FRMD3: variants seen among roughly 807,000 people sequenced by gnomAD.
FRMD3 encodes FERM domain containing 3, also known as FERM domain-containing protein 3.
FRMD3 carries 33 observed loss-of-function variants against 70.2 expected under a neutral mutation model. That is an observed-to-expected ratio of 0.47 (90% CI 0.36 to 0.63). The LOEUF is 0.63. FRMD3 is among the 20% of genes least tolerant of loss of function. The pLI is 0.00. For missense variants in FRMD3, 632 were observed against 711.4 expected (o/e 0.89, Z 1.27); for synonymous variants, 279 against 255.9 (o/e 1.09, Z -0.86).
chr9:83,562,536 GA>G, the FRMD3 span, among the ~76,000 whole-genome samples: 3 of 152,310 alleles, frequency 2.0e-5, no homozygotes, highest in South Asian at 6.2e-4. Context: ...ACTTCAACCA[GA>G]AATAAATGCA....
intron 13 of FRMD3, among the ~76,000 whole-genome samples, chr9:83,264,642 C>T (rs568112200): frequency 1.3e-5 from 2 of 152,046 alleles, no homozygotes; most frequent in African/African-American, 4.8e-5. Flanking sequence ...GTATAACTTC[C>T]TTTGAAAAAA....
the FRMD3 span, among the ~76,000 whole-genome samples, chr9:83,568,213 C>T: frequency 8.5e-5 from 13 of 152,170 alleles, no homozygotes; most frequent in South Asian, 2.1e-4. Context: ...TTCACTATCA[C>T]GAGAACAGCA....
chr9:83,528,150 G>T (rs1385889426), intron 1 of FRMD3, among the ~76,000 whole-genome samples: 2 of 152,144 alleles, frequency 1.3e-5, no homozygotes, highest in Middle Eastern at 3.2e-3. Context: ...ATCAAAAGAA[G>T]GGTCTCAAAA....
rs550333566 is a variant in FRMD3 at position 83,396,961 on chromosome 9, C to T, written c.148-7253G>A. ...TGCAGAGATGGCTGACTGATGAGCC[C>T]GGGAGCAGTCCATTGACTCTACTCT... On this transcript the variant is annotated intron_variant, in intron 1 of 13. Coordinates refer to ENST00000304195, the MANE Select transcript of FRMD3 (RefSeq NM_174938.6). 2.6e-5 allele frequency among the ~76,000 whole-genome samples: 4 copies of T among 152,240 alleles called. No homozygotes were observed. The South Asian group carries it at 8.3e-4, about 32-fold the overall frequency.
intron 3 of FRMD3, among the ~76,000 whole-genome samples, chr9:83,372,455 T>TA (rs1825007484): frequency 6.6e-6 from 1 of 151,956 alleles, no homozygotes; most frequent in South Asian, 2.1e-4. Context: ...TTTGGGGAGT[T>TA]CAAGGAATGG....
chr9:83,520,697 C>T (rs75238570), intron 1 of FRMD3, among the ~76,000 whole-genome samples: 6,972 of 152,254 alleles, frequency 0.046, 240 homozygotes, highest in South Asian at 0.1. Context: ...CCAGACAGCA[C>T]TGGTCTACTA....
At chr9:83,364,498 G>C (rs1286808089) in intron 3 of FRMD3, among the ~76,000 whole-genome samples, 3 of 151,614 alleles carry the variant, frequency 2.0e-5, no homozygotes, top group African/African-American at 7.3e-5. Flanking sequence ...GGAGGTTGCA[G>C]TGAGCCAAGA....
chr9:83,447,191 T>C (rs1827503850), intron 1 of FRMD3, among the ~76,000 whole-genome samples: 1 of 152,094 alleles, frequency 6.6e-6, no homozygotes, highest in African/African-American at 2.4e-5. Context: ...GCACAGCTAA[T>C]TTTTTGTATT....
intron 3 of FRMD3, among the ~76,000 whole-genome samples, chr9:83,369,849 T>G (rs1824914797): frequency 6.6e-6 from 1 of 152,194 alleles, no homozygotes. Flanking sequence ...TTTGCAATTG[T>G]TATTTCTTTG....
In FRMD3 at chr9:83,286,334, C is replaced by CT. The variant is rs35896378; in HGVS notation, c.1195+4268dup. On this transcript the variant is annotated intron_variant, in intron 13 of 13. Coordinates refer to ENST00000304195, the MANE Select transcript of FRMD3 (RefSeq NM_174938.6). ...TTAAAAAATTTTTAATTAGAGAACA[C>CT]TTTTTTTTTTTTTTGAGACAGAGTT... Among the ~76,000 whole-genome samples the CT allele has an allele frequency of 2.9e-3, 430 of 148,788 alleles. 2 individuals carry two copies. The highest frequency in any genetic ancestry group is 9.7e-3 in the African/African-American group (392 of 40,548).
chr9:83,309,658 G>T (rs764032975), intron 9 of FRMD3, 34 bp from the exon 10 acceptor site: 4 of 1,330,134 alleles, frequency 3.0e-6, no homozygotes, highest in East Asian at 4.7e-5. Context: ...GAAAAGGCAC[G>T]TAAAATACCA....
At chr9:83,479,431 A>AAGGAAG (rs1828480810) in intron 1 of FRMD3, among the ~76,000 whole-genome samples, 1 of 55,618 alleles carries the variant, frequency 1.8e-5, no homozygotes, top group African/African-American at 6.8e-5. Flanking sequence ...AAGGAGGGAA[A>AAGGAAG]GAAGGAAGGA....
chr9:83,418,055 G>T (rs1826507399), intron 1 of FRMD3, among the ~76,000 whole-genome samples: 1 of 151,262 alleles, frequency 6.6e-6, no homozygotes, highest in Non-Finnish European at 1.5e-5. Context: ...TGAAGAGCTT[G>T]CCAGGGAAAG....
At chr9:83,251,827 TA>T in intron 13 of FRMD3, among the ~76,000 whole-genome samples, 1 of 152,076 alleles carries the variant, frequency 6.6e-6, no homozygotes, top group Non-Finnish European at 1.5e-5. Context: ...GTAAAAGGAA[TA>T]AAAAATAATG....
intron 6 of FRMD3, among the ~76,000 whole-genome samples, chr9:83,319,624 G>A (rs768604967): frequency 2.0e-5 from 3 of 152,184 alleles, no homozygotes; most frequent in Non-Finnish European, 4.4e-5. Flanking sequence ...GTTTCACCAT[G>A]TTGGCCATGC....
At chr9:83,500,917 C>A (rs895768253) in intron 1 of FRMD3, among the ~76,000 whole-genome samples, 2 of 152,054 alleles carry the variant, frequency 1.3e-5, no homozygotes, top group African/African-American at 4.8e-5. Flanking sequence ...GGAGAGGTAA[C>A]AAAGAAAGAA....
At chr9:83,562,901 C>A in the FRMD3 span, among the ~76,000 whole-genome samples, 1 of 150,952 alleles carries the variant, frequency 6.6e-6, no homozygotes. Flanking sequence ...GCCCCCCCCC[C>A]AGCACAGAGT....
Position 83,244,769 on chromosome 9 carries a change from A to G in FRMD3, c.*3149T>C, listed in dbSNP as rs1461881293. On this transcript the variant is annotated 3_prime_UTR_variant, in exon 14 of 14. Transcript: ENST00000304195. ...TGGCCCCCATATCTCTAGTATTTCA[A>G]TGAAATAAACTCATTGTGAATTCAC... 1.0e-6 allele frequency: 1 copy of G among 985,244 alleles called. No homozygotes were observed. The highest frequency in any genetic ancestry group is 1.2e-6 in the Non-Finnish European group (1 of 829,862). The allele number at this position is 985,244 out of a possible 1,614,324, so 61.0% of individuals were successfully genotyped here.
chr9:83,401,710 G>T (rs1825955138), intron 1 of FRMD3, among the ~76,000 whole-genome samples: 1 of 152,222 alleles, frequency 6.6e-6, no homozygotes, highest in Non-Finnish European at 1.5e-5. Flanking sequence ...CAGCAGGAAA[G>T]GAATGTGGTG....
Sources: gnomAD v4.1 joint callset for allele counts (sites outside exome capture counted in the v4.1 genomes callset) on GRCh38, gnomAD v4.1.1 for gene constraint, MANE v1.5 for transcripts, NCBI Gene and HGNC (gene_info 2026-07-23, HGNC 2026-07-21) for gene names.